Variants in ZCCHC14 observed in about 807,000 individuals in gnomAD.
ZCCHC14 encodes zinc finger CCHC-type containing 14, also known as zinc finger CCHC domain-containing protein 14.
ZCCHC14 carries 16 observed loss-of-function variants against 85.0 expected under a neutral mutation model. That is an observed-to-expected ratio of 0.19 (90% CI 0.13 to 0.29). The LOEUF (loss-of-function observed/expected upper bound fraction) is 0.29. Ranked by LOEUF, ZCCHC14 falls within the 10% of genes least tolerant of loss-of-function variation. ZCCHC14 has a pLI of 1.00. For missense variants in ZCCHC14, 1,303 were observed against 1,443.5 expected (o/e 0.90, Z 1.58); for synonymous variants, 775 against 630.7 (o/e 1.23, Z -3.43).
intron 6 of ZCCHC14, among the ~76,000 whole-genome samples, chr16:87,419,454 C>A (rs1179545919): frequency 6.6e-6 from 1 of 152,266 alleles, no homozygotes; most frequent in Non-Finnish European, 1.5e-5. Context: ...GCATGCATCA[C>A]CACGCCTGGC....
intron 2 of ZCCHC14, among the ~76,000 whole-genome samples, chr16:87,450,528 G>C (rs1232028750): frequency 1.3e-5 from 2 of 150,142 alleles, no homozygotes; most frequent in Non-Finnish European, 3.0e-5. Context: ...AGAAACAAAA[G>C]TAGTGAGTAA....
At chr16:87,443,180 A>G (rs1203746812) in intron 2 of ZCCHC14, among the ~76,000 whole-genome samples, 1 of 152,260 alleles carries the variant, frequency 6.6e-6, no homozygotes, top group Non-Finnish European at 1.5e-5. Flanking sequence ...GCCTGCGGAT[A>G]GAATTCCTAA....
chr16:87,491,729 G>A lies in ZCCHC14; in HGVS notation c.510C>T (p.His170=), dbSNP rs750152004. The change falls in exon 1 of 13, where the codon CAC becomes CAT. Residue 170 remains histidine (H), a synonymous_variant. Coordinates refer to ENST00000671377, the MANE Select transcript of ZCCHC14 (RefSeq NM_015144.3). This position sits in a 1 kb window ranked among gnomAD's most constrained non-coding sequence, Gnocchi z 5.9. ...CCGGCCCGGGCGCGCCCTTGCCGCC[G>A]TGGCCCCCGCCGCCGTTCAGGCTGC... The part of the protein sequence containing the change: ...IQSSLNGGGG[H]GGKGAPGPGG... The A allele has an allele frequency of 6.4e-6, 10 of 1,565,092 alleles. No individual in the cohort carries two copies. The highest frequency in any genetic ancestry group is 1.2e-5 in the South Asian group (1 of 85,234).
chr16:87,432,984 C>A, intron 3 of ZCCHC14, 144 bp downstream of exon 3: 1 of 788,104 alleles, frequency 1.3e-6, no homozygotes, highest in Admixed American at 2.9e-5. Flanking sequence ...CAGCCCACCC[C>A]GAGCTCAGGG....
chr16:87,452,639 C>T (rs1305099823), intron 2 of ZCCHC14, among the ~76,000 whole-genome samples: 1 of 152,104 alleles, frequency 6.6e-6, no homozygotes, highest in African/African-American at 2.4e-5. Context: ...CCACCAGCTG[C>T]ACAGGGATGA....
At chr16:87,463,913 G>A (rs961229943) in intron 1 of ZCCHC14, among the ~76,000 whole-genome samples, 6 of 152,126 alleles carry the variant, frequency 3.9e-5, no homozygotes, top group African/African-American at 9.7e-5. Flanking sequence ...TCGACCTCCT[G>A]GGCTCAAGTG....
intron 2 of ZCCHC14, among the ~76,000 whole-genome samples, chr16:87,457,912 G>A (rs766742152): frequency 3.9e-5 from 6 of 152,234 alleles, no homozygotes; most frequent in South Asian, 4.1e-4. Context: ...AATTAAGAGC[G>A]TCTGCTCGCT....
At position 87,491,637 on chromosome 16, in the gene ZCCHC14, G is replaced by A. The variant is rs531075474; in HGVS notation, c.570+32C>T. 9.4e-6 allele frequency: 13 copies of A among 1,375,804 alleles called. No individual in the cohort carries two copies. The East Asian group carries it at 3.0e-4, about 32-fold the overall frequency. The allele number at this position is 1,375,804 out of a possible 1,614,324, so 85.2% of individuals were successfully genotyped here. On this transcript the variant is annotated intron_variant, in intron 1 of 12. Coordinates refer to ENST00000671377, the MANE Select transcript of ZCCHC14 (RefSeq NM_015144.3). The surrounding 1 kb of genome is among the most constrained non-coding windows in gnomAD (Gnocchi z 5.9). ...TGCAGAGTTGGGGATGCAGACTTGGGGTACAGGGCAGAGCTCGGGGCGGGC... is the reference window on the plus strand; with the variant it reads ...TGCAGAGTTGGGGATGCAGACTTGGAGTACAGGGCAGAGCTCGGGGCGGGC...
intron 3 of ZCCHC14, among the ~76,000 whole-genome samples, chr16:87,425,148 G>A (rs1183334112): frequency 2.0e-5 from 3 of 152,126 alleles, no homozygotes; most frequent in African/African-American, 4.8e-5. Context: ...ACACAGGCCA[G>A]TCGAGGAAAG....
chr16:87,477,846 C>G (rs1428319328), intron 1 of ZCCHC14, among the ~76,000 whole-genome samples: 5 of 147,282 alleles, frequency 3.4e-5, no homozygotes, highest in Non-Finnish European at 7.5e-5. Flanking sequence ...GCTCCCGAGT[C>G]TGCTGCCCCT....
In ZCCHC14 at chr16:87,491,735, C is replaced by T; in HGVS notation, c.504G>A (p.Gly168=). 3.2e-6 allele frequency: 5 copies of T among 1,571,680 alleles called. No homozygotes were observed. The highest frequency in any genetic ancestry group is 4.3e-6 in the Non-Finnish European group (5 of 1,164,172). ...CGGGCGCGCCCTTGCCGCCGTGGCC[C>T]CCGCCGCCGTTCAGGCTGCTCTGGA... ...TQIQSSLNGG[G]GHGGKGAPGP... The change falls in exon 1 of 13, where the codon GGG becomes GGA. Residue 168 remains glycine, a synonymous_variant. Coordinates refer to ENST00000671377, the MANE Select transcript of ZCCHC14 (RefSeq NM_015144.3). The surrounding 1 kb of genome is among the most constrained non-coding windows in gnomAD (Gnocchi z 5.9).
chr16:87,475,552 T>TTA (rs1385860370), intron 1 of ZCCHC14, among the ~76,000 whole-genome samples: 13 of 91,474 alleles, frequency 1.4e-4, no homozygotes, highest in Non-Finnish European at 2.7e-4. Context: ...GACTCTGTCT[T>TTA]AAAAAAAAAA....
intron 1 of ZCCHC14, among the ~76,000 whole-genome samples, chr16:87,478,008 C>T (rs1042973625): frequency 6.6e-6 from 1 of 152,194 alleles, no homozygotes; most frequent in African/African-American, 2.4e-5. Context: ...ACCACTGATA[C>T]GCCCCCACGC....
At chr16:87,481,552 G>A (rs1597454227) in intron 1 of ZCCHC14, among the ~76,000 whole-genome samples, 3 of 31,186 alleles carry the variant, frequency 9.6e-5, no homozygotes, top group African/African-American at 3.2e-4. Flanking sequence ...TGGGGGGGGG[G>A]AAGGGTAAGC....
At position 87,423,846 on chromosome 16, in the gene ZCCHC14, G is replaced by C. The variant is rs1643996709; in HGVS notation, c.804C>G (p.Thr268=). ...ATTCCGTCACTTCAGAGGAAGATTT[G>C]GTTACTGATGTTATTGAAGAATCAG... ...LWSDSSITSV[T]KSSSEVTEFI... is the part of the protein sequence containing the mutation. The change falls in exon 4 of 13, where the codon ACC becomes ACG. Residue 268 remains threonine, a synonymous_variant. Coordinates refer to ENST00000671377, the MANE Select transcript of ZCCHC14 (RefSeq NM_015144.3). The C allele has an allele frequency of 1.9e-6, 3 of 1,613,958 alleles. No individual in the cohort carries two copies. The highest frequency in any genetic ancestry group is 1.3e-5 in the African/African-American group (1 of 74,920).
intron 3 of ZCCHC14, among the ~76,000 whole-genome samples, chr16:87,426,140 T>C (rs1044717128): frequency 3.9e-5 from 6 of 152,180 alleles, no homozygotes; most frequent in African/African-American, 2.4e-5. Context: ...CAGGTGATGC[T>C]GGCTGATGGC....
Position 87,419,898 on chromosome 16 carries a change from C to A in ZCCHC14, c.951-21G>T, listed in dbSNP as rs1353931509. On this transcript the variant is annotated intron_variant, in intron 5 of 12. Transcript: ENST00000671377. ...GGTACCTAAAAGGCAAACAAGTGGT[C>A]TTATCAACATTAAAATGGCATTCCT... 10 of 1,571,006 alleles carry A rather than the reference C, an allele frequency of 6.4e-6. No homozygotes were observed. The African/African-American group carries it at 1.4e-4, about 22-fold the overall frequency.
At chr16:87,417,773 A>T (rs368886898) in intron 7 of ZCCHC14, 31 bp from the exon 8 acceptor site, 60 of 1,534,962 alleles carry the variant, frequency 3.9e-5, no homozygotes, top group Non-Finnish European at 4.9e-5. Flanking sequence ...GGACACAGAG[A>T]GACTGTGGCT....
intron 1 of ZCCHC14, chr16:87,471,835 T>G (rs8043583): frequency 0.16 from 24,656 of 152,260 alleles, 3,967 homozygotes; most frequent in African/African-American, 0.42. Flanking sequence ...TGTATTGACT[T>G]CAGAGAGAAC....
Sources: allele counts gnomAD v4.1 joint callset (sites outside exome capture counted in the v4.1 genomes callset), GRCh38; gene constraint gnomAD v4.1.1; non-coding constraint Gnocchi (gnomAD v3.1); transcripts MANE v1.5; gene names NCBI Gene and HGNC (gene_info 2026-07-23, HGNC 2026-07-21).